ASTN2: variants seen among roughly 807,000 people sequenced by gnomAD.
ASTN2 encodes the protein astrotactin 2, also known as astrotactin-2.
In ASTN2, 54 loss-of-function variants were observed where a neutral mutation model predicts 139.8. The ratio of observed to expected loss-of-function variants is 0.39; its 90% CI spans 0.31 to 0.48. The LOEUF (loss-of-function observed/expected upper bound fraction) is 0.48, where lower values mean the gene tolerates loss of function less well. Among genes scored for constraint, ASTN2 ranks in the 20% least tolerant of loss-of-function variants. The probability of loss-of-function intolerance (pLI) is 0.95; values close to 1 mark genes in which losing one functional copy is unlikely to be tolerated. For missense variants in ASTN2, 1,565 were observed against 1,725.1 expected (o/e 0.91, Z 1.64); for synonymous variants, 756 against 719.5 (o/e 1.05, Z -0.81).
intron 5 of ASTN2, among the ~76,000 whole-genome samples, chr9:117,040,609 C>T (rs555866811): frequency 1.3e-5 from 2 of 152,272 alleles, no homozygotes; most frequent in South Asian, 2.1e-4. Flanking sequence ...CAGGCACCCA[C>T]CACCAAGCCC....
Position 116,604,128 on chromosome 9 carries a change from C to T in ASTN2, c.3355+14196G>A, listed in dbSNP as rs10983261. Among the ~76,000 whole-genome samples, 2,878 of 152,238 alleles carry T rather than the reference C, an allele frequency of 0.019. 389 individuals carry two copies. In the South Asian group the frequency reaches 0.29, roughly 15 times the overall value. On this transcript the variant is annotated intron_variant, in intron 19 of 22. Transcript: ENST00000313400. ...TTGTTGACTGCAAGTTCCATGAGGG[C>T]AGGAATTATGCCTGTCCTGTTACCA...
chr9:116,717,948 A>T (rs1484803578), intron 16 of ASTN2, among the ~76,000 whole-genome samples: 1 of 152,252 alleles, frequency 6.6e-6, no homozygotes, highest in Non-Finnish European at 1.5e-5. Flanking sequence ...TTCAATAAAC[A>T]TTATTGAATG....
At chr9:116,645,396 G>C (rs973000609) in intron 17 of ASTN2, among the ~76,000 whole-genome samples, 2 of 152,036 alleles carry the variant, frequency 1.3e-5, no homozygotes, top group African/African-American at 4.8e-5. Context: ...ACAGCACAAG[G>C]TATAATCAAG....
intron 1 of ASTN2, among the ~76,000 whole-genome samples, chr9:117,313,305 A>G (rs1350854517): frequency 6.6e-6 from 1 of 152,180 alleles, no homozygotes; most frequent in Non-Finnish European, 1.5e-5. Flanking sequence ...GGATTTTATC[A>G]TATTTACTAA....
At chr9:116,813,728 C>G (rs371305935) in intron 12 of ASTN2, among the ~76,000 whole-genome samples, 2 of 152,066 alleles carry the variant, frequency 1.3e-5, no homozygotes, top group African/African-American at 4.8e-5. Flanking sequence ...AGGAAGGAAT[C>G]AAATCCTTAA....
At chr9:117,335,755 C>T (rs951620502) in intron 1 of ASTN2, among the ~76,000 whole-genome samples, 1 of 151,570 alleles carries the variant, frequency 6.6e-6, no homozygotes, top group Non-Finnish European at 1.5e-5. Context: ...CATCTAATAA[C>T]ATAGATAAAG....
At chr9:117,379,374 A>C (rs1484738716) in intron 1 of ASTN2, among the ~76,000 whole-genome samples, 1 of 152,040 alleles carries the variant, frequency 6.6e-6, no homozygotes, top group Non-Finnish European at 1.5e-5. Context: ...CCACCCACTG[A>C]CTCAGGGAGA....
chr9:117,305,174 G>T (rs1834968838), intron 1 of ASTN2, among the ~76,000 whole-genome samples: 2 of 152,174 alleles, frequency 1.3e-5, no homozygotes, highest in African/African-American at 4.8e-5. Flanking sequence ...TCTTGTCTTT[G>T]CTCTGTGACC....
At chr9:116,439,390 C>A (rs112326944) in intron 22 of ASTN2, among the ~76,000 whole-genome samples, 3 of 140,416 alleles carry the variant, frequency 2.1e-5, no homozygotes, top group South Asian at 6.3e-4. Flanking sequence ...TTAGTAGAGA[C>A]GGGGTTTCAC....
intron 6 of ASTN2, among the ~76,000 whole-genome samples, chr9:117,009,553 C>T (rs897011842): frequency 1.3e-5 from 2 of 152,118 alleles, no homozygotes; most frequent in African/African-American, 4.8e-5. Flanking sequence ...CAGAACCAGG[C>T]TTCACAAAGC....
intron 10 of ASTN2, among the ~76,000 whole-genome samples, chr9:116,896,087 A>C (rs778428335): frequency 6.6e-6 from 1 of 152,210 alleles, no homozygotes; most frequent in African/African-American, 2.4e-5. Flanking sequence ...ATTATTCATA[A>C]GTGTATTCTA....
chr9:116,507,831 C>T (rs896981222), intron 19 of ASTN2, among the ~76,000 whole-genome samples: 8 of 152,140 alleles, frequency 5.3e-5, no homozygotes, highest in African/African-American at 1.9e-4. Context: ...TTTACAGGGA[C>T]CTCATTAGCT....
intron 6 of ASTN2, among the ~76,000 whole-genome samples, chr9:117,011,356 T>C (rs935759621): frequency 6.6e-6 from 1 of 152,100 alleles, no homozygotes; most frequent in Non-Finnish European, 1.5e-5. Context: ...GGGATGAGTG[T>C]CCTTATCAAA....
chr9:117,225,535 G>GTATGTATATATA (rs369914209), intron 2 of ASTN2, among the ~76,000 whole-genome samples: 16 of 63,912 alleles, frequency 2.5e-4, no homozygotes, highest in Non-Finnish European at 3.1e-4. Context: ...CAAGCTGTAT[G>GTATGTATATATA]TATATATATA....
At chr9:117,329,180 CTTTTTTTTT>C (rs749880987) in intron 1 of ASTN2, among the ~76,000 whole-genome samples, 1 of 82,582 alleles carries the variant, frequency 1.2e-5, no homozygotes, top group Non-Finnish European at 2.3e-5. Context: ...CTTCCAAGTT[CTTTTTTTTT>C]TTTTTTTTTT....
intron 4 of ASTN2, among the ~76,000 whole-genome samples, chr9:117,120,624 C>T (rs930849820): frequency 6.6e-6 from 1 of 152,090 alleles, no homozygotes; most frequent in Non-Finnish European, 1.5e-5. Context: ...AGGATCCTCT[C>T]CCTAGCCCCC....
chr9:117,010,078 G>T (rs772552956), intron 6 of ASTN2, among the ~76,000 whole-genome samples: 1 of 152,184 alleles, frequency 6.6e-6, no homozygotes, highest in Non-Finnish European at 1.5e-5. Flanking sequence ...AGAAAGAGGG[G>T]TCTTTGTGAA....
intron 7 of ASTN2, among the ~76,000 whole-genome samples, chr9:116,986,765 G>A (rs1357002758): frequency 6.6e-6 from 1 of 152,198 alleles, no homozygotes; most frequent in Non-Finnish European, 1.5e-5. Flanking sequence ...GCCAGAACTG[G>A]AATCCATCCA....
intron 5 of ASTN2, among the ~76,000 whole-genome samples, chr9:117,046,026 A>G (rs67038448): frequency 0.2 from 28,929 of 143,056 alleles, 3,149 homozygotes; most frequent in Middle Eastern, 0.28. Flanking sequence ...GTATGTATGT[A>G]GTCTCACTCT....
Sources: gnomAD v4.1 joint callset for allele counts (sites outside exome capture counted in the v4.1 genomes callset) on GRCh38, gnomAD v4.1.1 for gene constraint, MANE v1.5 for transcripts, NCBI Gene and HGNC (gene_info 2026-07-23, HGNC 2026-07-21) for gene names.